Variants in SEPTIN9 observed in about 807,000 individuals in gnomAD.
SEPTIN9 encodes the protein septin 9, also known as septin-9.
SEPTIN9 carries 13 observed loss-of-function variants against 56.6 expected under a neutral mutation model. That is an observed-to-expected ratio of 0.23 (90% CI 0.15 to 0.37). The LOEUF is 0.37. SEPTIN9 is among the 10% of genes least tolerant of loss of function. The pLI is 1.00. For synonymous variants in SEPTIN9, 332 were observed against 334.1 expected (o/e 0.99, Z 0.07); for missense variants, 650 against 823.1 (o/e 0.79, Z 2.57).
chr17:77,303,379 T>C (rs952305261), intron 1 of SEPTIN9, among the ~76,000 whole-genome samples: 1 of 150,112 alleles, frequency 6.7e-6, no homozygotes, highest in Non-Finnish European at 1.5e-5. Flanking sequence ...ATTACAGGCG[T>C]GAGTCACCAT....
At chr17:77,376,970 CA>C (rs1233560175) in intron 2 of SEPTIN9, 1 of 152,326 alleles carries the variant, frequency 6.6e-6, no homozygotes, top group Non-Finnish European at 1.5e-5. Flanking sequence ...ATGAGTTGCA[CA>C]GGGATTCAGT....
chr17:77,498,705 T>TCCCC lies in SEPTIN9; in HGVS notation c.*52_*55dup. 1 of 813,950 alleles carries TCCCC rather than the reference T, an allele frequency of 1.2e-6. No individual in the cohort carries two copies. Among genetic ancestry groups the TCCCC allele is most frequent in the Non-Finnish European group, 1.9e-6 (1 of 538,476 alleles). 50.4% of individuals were successfully genotyped at this position (813,950 alleles called of 1,614,324 possible). ...GGATCCTGCCCCCAAGTCATTTCCG[T>TCCCC]CCCCCCCCAGGCCCTCCCACCACCC... is the stretch of plus-strand genomic sequence containing the variant. On this transcript the variant is annotated 3_prime_UTR_variant, in exon 12 of 12. Transcript: ENST00000427177.
In SEPTIN9 at chr17:77,456,532, C is replaced by T. The variant is rs1568083644; in HGVS notation, c.722-25612C>T. 6.6e-6 allele frequency: 1 copy of T among 152,364 alleles called. No individual in the cohort carries two copies. Among genetic ancestry groups the T allele is most frequent in the African/African-American group, 2.4e-5 (1 of 41,412 alleles). The allele number at this position is 152,364 out of a possible 1,614,324, so 9.4% of individuals were successfully genotyped here. On this transcript the variant is annotated intron_variant, in intron 3 of 11. Transcript: ENST00000427177. This position sits in a 1 kb window ranked among gnomAD's most constrained non-coding sequence, Gnocchi z 6.0. ...GTATGGGCCCCACAGGCACTACTGG[C>T]TCCCCGAAGCCAGGGACAGACCCCA...
intron 2 of SEPTIN9, among the ~76,000 whole-genome samples, chr17:77,328,497 C>A (rs901784906): frequency 6.6e-6 from 1 of 152,232 alleles, no homozygotes; most frequent in African/African-American, 2.4e-5. Context: ...TCCCAAATAG[C>A]TGGGATGACA....
chr17:77,370,127 C>T (rs186672783), intron 2 of SEPTIN9, among the ~76,000 whole-genome samples: 35 of 152,320 alleles, frequency 2.3e-4, no homozygotes, highest in African/African-American at 7.7e-4. Flanking sequence ...GAATAAGGCA[C>T]GAGTTTCTCC....
intron 2 of SEPTIN9, among the ~76,000 whole-genome samples, chr17:77,328,434 C>T (rs1598200804): frequency 6.6e-6 from 1 of 152,316 alleles, no homozygotes. Context: ...GGCGCCATCT[C>T]GCCTCACTGC....
intron 4 of SEPTIN9, among the ~76,000 whole-genome samples, chr17:77,484,301 G>A (rs1229400087): frequency 1.9e-5 from 1 of 52,576 alleles, no homozygotes; most frequent in Admixed American, 1.5e-4. Flanking sequence ...TAGTGGTGAT[G>A]TGGGTGATGG....
chr17:77,418,816 G>T (rs1307536524), intron 3 of SEPTIN9, among the ~76,000 whole-genome samples: 1 of 152,190 alleles, frequency 6.6e-6, no homozygotes, highest in East Asian at 1.9e-4. Context: ...ATGTAGGTCT[G>T]TGGGCCGTGC....
In SEPTIN9 at chr17:77,498,716, G is replaced by A. The variant is rs1225673787; in HGVS notation, c.*58G>A. On this transcript the variant is annotated 3_prime_UTR_variant, in exon 12 of 12. Coordinates refer to ENST00000427177, the MANE Select transcript of SEPTIN9 (RefSeq NM_001113491.2). Reference sequence around the variant, plus strand: ...CCAAGTCATTTCCGTCCCCCCCCAGGCCCTCCCACCACCCCATTTTATTTT... The same window carrying A: ...CCAAGTCATTTCCGTCCCCCCCCAGACCCTCCCACCACCCCATTTTATTTT... 1.4e-6 allele frequency: 1 copy of A among 726,682 alleles called. No homozygotes were observed. The highest frequency in any genetic ancestry group is 2.1e-5 in the South Asian group (1 of 48,628). 45.0% of individuals were successfully genotyped at this position (726,682 alleles called of 1,614,324 possible). A position where few individuals can be genotyped will look rare whatever the true frequency, so the allele number is the denominator to read the frequency against.
intron 1 of SEPTIN9, among the ~76,000 whole-genome samples, chr17:77,291,038 T>G (rs1171587878): frequency 7.1e-6 from 1 of 140,236 alleles, no homozygotes; most frequent in East Asian, 2.2e-4. Context: ...CTAATTTTTT[T>G]TTTTTTTTTT....
At chr17:77,388,128 CA>C (rs2035404427) in intron 2 of SEPTIN9, among the ~76,000 whole-genome samples, 1 of 152,160 alleles carries the variant, frequency 6.6e-6, no homozygotes, top group South Asian at 2.1e-4. Flanking sequence ...GGGGTCCTCC[CA>C]GGGGCCCGCC....
rs202192228 is a variant in SEPTIN9 at position 77,457,236 on chromosome 17, G to A, written c.722-24908G>A. 2.2e-3 allele frequency among the ~76,000 whole-genome samples: 338 copies of A among 152,274 alleles called. 10 individuals carry two copies. The South Asian group carries it at 0.055, about 25-fold the overall frequency. Reference sequence around the variant, plus strand: ...TACAGCCTCGGCCCTCGCTCTGGCTGCGTACCGAGAGTCCCATGCCCAGAC... The same window carrying A: ...TACAGCCTCGGCCCTCGCTCTGGCTACGTACCGAGAGTCCCATGCCCAGAC... On this transcript the variant is annotated intron_variant, in intron 3 of 11. Coordinates refer to ENST00000427177, the MANE Select transcript of SEPTIN9 (RefSeq NM_001113491.2).
chr17:77,486,188 G>A (rs764556261), intron 4 of SEPTIN9, among the ~76,000 whole-genome samples: 3 of 151,962 alleles, frequency 2.0e-5, no homozygotes, highest in South Asian at 2.1e-4. Context: ...CTGCAGCCTC[G>A]CACTCCTGGG....
intron 4 of SEPTIN9, 33 bp downstream of exon 4, chr17:77,482,368 T>C (rs1351728853): frequency 1.9e-6 from 3 of 1,603,848 alleles, no homozygotes; most frequent in East Asian, 2.2e-5. Flanking sequence ...ACTCAACCAA[T>C]GCCGGAAACC....
Position 77,451,510 on chromosome 17 carries a change from C to A in SEPTIN9, c.722-30634C>A, listed in dbSNP as rs765345120. ...CGGCTCTCGGCGCGTCCAGCGCAGCCCGACGTTCCGCTGCTGGGGTGAGTC... is the reference window on the plus strand; with the variant it reads ...CGGCTCTCGGCGCGTCCAGCGCAGCACGACGTTCCGCTGCTGGGGTGAGTC... On this transcript the variant is annotated intron_variant, in intron 3 of 11. Coordinates refer to ENST00000427177, the MANE Select transcript of SEPTIN9 (RefSeq NM_001113491.2). The surrounding 1 kb of genome is among the most constrained non-coding windows in gnomAD (Gnocchi z 4.2). 3.0e-6 allele frequency: 3 copies of A among 985,714 alleles called. No homozygotes were observed. The highest frequency in any genetic ancestry group is 3.6e-6 in the Non-Finnish European group (3 of 830,236). The allele number at this position is 985,714 out of a possible 1,614,324, so 61.1% of individuals were successfully genotyped here.
chr17:77,382,395 G>A (rs556363953), intron 2 of SEPTIN9, among the ~76,000 whole-genome samples: 2 of 152,376 alleles, frequency 1.3e-5, no homozygotes, highest in African/African-American at 4.8e-5. Flanking sequence ...TGGCACAGCT[G>A]CCCTCGGCAC....
intron 3 of SEPTIN9, among the ~76,000 whole-genome samples, chr17:77,454,835 G>A (rs748189967): frequency 6.6e-6 from 1 of 152,240 alleles, no homozygotes; most frequent in Admixed American, 6.5e-5. Context: ...GCTGTGGCCT[G>A]AGCTGGGTTC....
chr17:77,387,972 G>A (rs1335916104), intron 2 of SEPTIN9, among the ~76,000 whole-genome samples: 1 of 143,118 alleles, frequency 7.0e-6, no homozygotes, highest in Non-Finnish European at 1.5e-5. Context: ...GGACTTCTCA[G>A]CAGCTACCCC....
rs115548870 is a variant in SEPTIN9 at position 77,454,316 on chromosome 17, C to T, written c.722-27828C>T. 680 of 985,510 alleles carry T rather than the reference C, an allele frequency of 6.9e-4. 3 individuals carry two copies. In the African/African-American group the frequency reaches 0.011, roughly 16 times the overall value. 61.0% of individuals were successfully genotyped at this position (985,510 alleles called of 1,614,324 possible). A position where few individuals can be genotyped will look rare whatever the true frequency, so the allele number is the denominator to read the frequency against. Reference sequence around the variant, plus strand: ...CTAGTCCCAGAGTTCTGCCTTCCGGCGCCGAGCTTTGATTTGTTTATTGAG... The same window carrying T: ...CTAGTCCCAGAGTTCTGCCTTCCGGTGCCGAGCTTTGATTTGTTTATTGAG... On this transcript the variant is annotated intron_variant, in intron 3 of 11. Coordinates refer to ENST00000427177, the MANE Select transcript of SEPTIN9 (RefSeq NM_001113491.2).
Sources: allele counts gnomAD v4.1 joint callset (sites outside exome capture counted in the v4.1 genomes callset), GRCh38; gene constraint gnomAD v4.1.1; non-coding constraint Gnocchi (gnomAD v3.1); transcripts MANE v1.5; gene names NCBI Gene and HGNC (gene_info 2026-07-23, HGNC 2026-07-21).